Variants in DYNC1I1 observed in about 807,000 individuals in gnomAD.
The protein encoded by DYNC1I1 is dynein cytoplasmic 1 intermediate chain 1.
In DYNC1I1, 43 loss-of-function variants were observed where a neutral mutation model predicts 86.6. The observed-to-expected ratio is 0.50, with a 90% CI of 0.39 to 0.64. The LOEUF (loss-of-function observed/expected upper bound fraction) is 0.64. Ranked by LOEUF, DYNC1I1 falls within the 30% of genes least tolerant of loss-of-function variation. The pLI, the probability that DYNC1I1 is intolerant of heterozygous loss-of-function variation, is 0.00. For synonymous variants in DYNC1I1, 262 were observed against 283.7 expected, an observed-to-expected ratio of 0.92 and a Z score of 0.77; for missense variants, 604 against 788.8, an observed-to-expected ratio of 0.77 and a Z score of 2.81.
At chr7:95,875,856 C>T (rs542859003) in intron 6 of DYNC1I1, among the ~76,000 whole-genome samples, 2 of 152,288 alleles carry the variant, frequency 1.3e-5, no homozygotes, top group South Asian at 4.1e-4. Context: ...GATTTAGTCT[C>T]CTCTCAGCTG....
At chr7:95,896,661 C>T (rs1790890636) in intron 6 of DYNC1I1, among the ~76,000 whole-genome samples, 1 of 152,200 alleles carries the variant, frequency 6.6e-6, no homozygotes, top group Non-Finnish European at 1.5e-5. Context: ...TGTAAACAAA[C>T]ACAGGCAAGG....
At chr7:96,107,557 A>T (rs184606178) in intron 16 of DYNC1I1, among the ~76,000 whole-genome samples, 1 of 146,370 alleles carries the variant, frequency 6.8e-6, no homozygotes, top group African/African-American at 2.5e-5. Flanking sequence ...TTTGAAATAG[A>T]GTCTTGCTCT....
chr7:95,831,422 G>C (rs1179581880), intron 5 of DYNC1I1, among the ~76,000 whole-genome samples: 1 of 152,084 alleles, frequency 6.6e-6, no homozygotes, highest in East Asian at 1.9e-4. Context: ...ACCTAGGCTG[G>C]AGTGCAGTGG....
At chr7:95,880,051 T>G (rs1790412063) in intron 6 of DYNC1I1, among the ~76,000 whole-genome samples, 1 of 152,220 alleles carries the variant, frequency 6.6e-6, no homozygotes, top group Non-Finnish European at 1.5e-5. Context: ...TACAGTAACT[T>G]ATAATTGTCA....
chr7:95,977,766 T>A (rs937354436), intron 7 of DYNC1I1, among the ~76,000 whole-genome samples, 165 bp downstream of exon 7: 3 of 152,170 alleles, frequency 2.0e-5, no homozygotes, highest in Admixed American at 6.5e-5. Context: ...TAAACTGTAA[T>A]CTCCAAAGCA....
intron 13 of DYNC1I1, 86 bp from the exon 14 acceptor site, chr7:96,039,191 G>T: frequency 6.9e-7 from 1 of 1,451,902 alleles, no homozygotes. Flanking sequence ...ATGCAGAGTT[G>T]AGGGTTTTTT....
rs111666359 is a variant in DYNC1I1, at chr7:95,882,467, A to G, written c.490+12469A>G. ...TTTGAGCATCTGTTTCCCTCTATCC[A>G]TAGTTCATTCACAGTGGTAACTTCA... On this transcript the variant is annotated intron_variant, in intron 6 of 16. Coordinates refer to ENST00000447467, the MANE Select transcript of DYNC1I1 (RefSeq NM_001135556.2). Among the ~76,000 whole-genome samples the G allele has an allele frequency of 6.9e-4, 105 of 152,324 alleles. 1 individual carries two copies. Among genetic ancestry groups the G allele is most frequent in the Middle Eastern group, 3.4e-3 (1 of 294 alleles).
intron 6 of DYNC1I1, among the ~76,000 whole-genome samples, chr7:95,922,106 A>G (rs185949552): frequency 2.0e-5 from 3 of 152,332 alleles, no homozygotes; most frequent in East Asian, 1.9e-4. Context: ...TGGAATTTCA[A>G]TGACACAAAA....
intron 5 of DYNC1I1, among the ~76,000 whole-genome samples, chr7:95,833,622 T>G (rs1788986674): frequency 6.7e-6 from 1 of 149,470 alleles, no homozygotes; most frequent in Admixed American, 6.7e-5. Context: ...TTCTTCCATT[T>G]GTTTGTATCC....
At chr7:95,918,361 G>A (rs971054099) in intron 6 of DYNC1I1, among the ~76,000 whole-genome samples, 1 of 152,120 alleles carries the variant, frequency 6.6e-6, no homozygotes, top group Non-Finnish European at 1.5e-5. Flanking sequence ...GTTCCTGTGG[G>A]TCTGTAGTTT....
intron 1 of DYNC1I1, among the ~76,000 whole-genome samples, chr7:95,793,763 G>A (rs571610613): frequency 2.8e-4 from 43 of 152,304 alleles, no homozygotes; most frequent in Admixed American, 2.7e-3. Context: ...AACAGCATAG[G>A]GACCAATGTC....
At chr7:95,780,894 C>T (rs781164004) in intron 1 of DYNC1I1, among the ~76,000 whole-genome samples, 63 of 152,046 alleles carry the variant, frequency 4.1e-4, no homozygotes, top group Admixed American at 1.6e-3. Flanking sequence ...ACACAATGTT[C>T]CCTTTTAAAA....
chr7:95,950,017 A>T (rs1475954162), intron 6 of DYNC1I1, among the ~76,000 whole-genome samples: 1 of 151,998 alleles, frequency 6.6e-6, no homozygotes. Context: ...AAATGCTTTA[A>T]CTGGTATATT....
rs187466964 is a variant in DYNC1I1 at position 95,959,675 on chromosome 7, C to T, written c.491-17837C>T. Among the ~76,000 whole-genome samples, 96 of 152,224 alleles carry T rather than the reference C, an allele frequency of 6.3e-4. No homozygotes were observed. In the South Asian group the frequency reaches 7.1e-3, roughly 11 times the overall value. Reference sequence around the variant, plus strand: ...TTAAATTAGACCTGGGTTTACATACCGGTTCTATTCTTTACAACTACATGA... The same window carrying T: ...TTAAATTAGACCTGGGTTTACATACTGGTTCTATTCTTTACAACTACATGA... On this transcript the variant is annotated intron_variant, in intron 6 of 16. Coordinates refer to ENST00000447467, the MANE Select transcript of DYNC1I1 (RefSeq NM_001135556.2).
intron 6 of DYNC1I1, among the ~76,000 whole-genome samples, chr7:95,937,545 G>A (rs886182922): frequency 6.7e-6 from 1 of 150,010 alleles, no homozygotes; most frequent in Non-Finnish European, 1.5e-5. Context: ...TTAGCAAACA[G>A]CTATAGATAT....
At chr7:95,976,960 C>T (rs1020403534) in intron 6 of DYNC1I1, among the ~76,000 whole-genome samples, 2 of 152,120 alleles carry the variant, frequency 1.3e-5, no homozygotes, top group African/African-American at 4.8e-5. Context: ...GTGTAAATAC[C>T]ATTTTGAGTT....
At chr7:95,865,898 A>G (rs989130301) in intron 5 of DYNC1I1, among the ~76,000 whole-genome samples, 1 of 152,156 alleles carries the variant, frequency 6.6e-6, no homozygotes, top group African/African-American at 2.4e-5. Context: ...CCCATCATGA[A>G]GCCACACATG....
rs552598508 is a variant in DYNC1I1 at position 95,940,356 on chromosome 7, T to C, written c.491-37156T>C. ...CTGAATGTTGGCCTGCCTTGCTAGA[T>C]TGGGGAAGTTCTCCTGGATAATATC... is the stretch of plus-strand genomic sequence containing the variant. On this transcript the variant is annotated intron_variant, in intron 6 of 16. Transcript: ENST00000447467. Among the ~76,000 whole-genome samples, 775 of 152,250 alleles carry C rather than the reference T, an allele frequency of 5.1e-3. 3 individuals carry two copies. The highest frequency in any genetic ancestry group is 0.017 in the African/African-American group (692 of 41,552).
intron 2 of DYNC1I1, among the ~76,000 whole-genome samples, chr7:95,809,287 G>C (rs1794773734): frequency 6.6e-6 from 1 of 152,164 alleles, no homozygotes; most frequent in African/African-American, 2.4e-5. Flanking sequence ...TCTGCTTATA[G>C]ATACTACAGT....
Sources: gnomAD v4.1 joint callset for allele counts (sites outside exome capture counted in the v4.1 genomes callset) on GRCh38, gnomAD v4.1.1 for gene constraint, MANE v1.5 for transcripts, NCBI Gene and HGNC (gene_info 2026-07-23, HGNC 2026-07-21) for gene names.